SLC4A10: variants seen among roughly 807,000 people sequenced by gnomAD.
The protein encoded by SLC4A10 is sodium-driven chloride bicarbonate exchanger.
In SLC4A10, 42 loss-of-function variants were observed where a neutral mutation model predicts 137.7. The ratio of observed to expected loss-of-function variants is 0.30; its 90% CI spans 0.24 to 0.39. The LOEUF (loss-of-function observed/expected upper bound fraction) is 0.39. Among genes scored for constraint, SLC4A10 ranks in the 10% least tolerant of loss-of-function variants. SLC4A10 has a pLI of 1.00. For synonymous variants in SLC4A10, 474 were observed against 464.1 expected (o/e 1.02, Z -0.27); for missense variants, 925 against 1,355.0 (o/e 0.68, Z 4.98).
chr2:161,850,517 A>G (rs1352511253), intron 4 of SLC4A10, among the ~76,000 whole-genome samples: 1 of 152,144 alleles, frequency 6.6e-6, no homozygotes, highest in African/African-American at 2.4e-5. Context: ...TGTTCATAAT[A>G]GTCTCTTAGG....
chr2:161,708,837 C>T (rs956060809), intron 1 of SLC4A10: 4 of 1,528,090 alleles, frequency 2.6e-6, no homozygotes, highest in Non-Finnish European at 3.5e-6. Flanking sequence ...CAGGTATGAC[C>T]TCATGAATTA....
rs1329305262 is a variant in SLC4A10 at position 161,926,893 on chromosome 2, C to G, written c.1998-15899C>G. On this transcript the variant is annotated intron_variant, in intron 15 of 26. Transcript: ENST00000446997. ...AGAATGTTGAATATTGGCCCCCACT[C>G]TCTTCTGGCTTGTAGAGTTTCTGCT... Among the ~76,000 whole-genome samples the G allele has an allele frequency of 2.1e-4, 31 of 146,878 alleles. No individual in the cohort carries two copies. In the South Asian group the frequency reaches 5.4e-3, roughly 25 times the overall value.
intron 1 of SLC4A10, among the ~76,000 whole-genome samples, chr2:161,743,301 C>G (rs1031931737): frequency 1.3e-5 from 2 of 152,076 alleles, no homozygotes; most frequent in African/African-American, 4.8e-5. Context: ...TTGTATATGA[C>G]AAGAGATAGG....
At position 161,638,440 on chromosome 2, in the gene SLC4A10, C is replaced by T. The variant is rs181127102; in HGVS notation, c.48+13874C>T. ...GTCAAAAATCATTTGGCTGTAAATACGTGGATTTGTTTCTGGGTTTTCTAT... is the reference window on the plus strand; with the variant it reads ...GTCAAAAATCATTTGGCTGTAAATATGTGGATTTGTTTCTGGGTTTTCTAT... On this transcript the variant is annotated intron_variant, in intron 1 of 26. Transcript: ENST00000446997. Among the ~76,000 whole-genome samples the T allele has an allele frequency of 3.0e-3, 450 of 152,076 alleles. 3 individuals are homozygous for T. The highest frequency in any genetic ancestry group is 0.024 in the Middle Eastern group (7 of 294).
chr2:161,879,175 A>G lies in SLC4A10; in HGVS notation c.993A>G (p.Ala331=). 2.5e-6 allele frequency: 4 copies of G among 1,613,584 alleles called. No homozygotes were observed. The highest frequency in any genetic ancestry group is 1.1e-5 in the South Asian group (1 of 91,066). ...AAAAGATTCCTCCAGGTGCTGAAGCATCGAACATCTTAGTGGGAGAACTGG... is the reference window on the plus strand; with the variant it reads ...AAAAGATTCCTCCAGGTGCTGAAGCGTCGAACATCTTAGTGGGAGAACTGG... The part of the protein sequence containing the change: ...FMKKIPPGAE[A]SNILVGELEF... The change falls in exon 9 of 27, where the codon GCA becomes GCG. Residue 331 remains alanine, a synonymous_variant. Transcript: ENST00000446997.
At chr2:161,880,736 G>T (rs1351993089) in intron 9 of SLC4A10, among the ~76,000 whole-genome samples, 1 of 152,060 alleles carries the variant, frequency 6.6e-6, no homozygotes, top group African/African-American at 2.4e-5. Context: ...ACTTGCTAAT[G>T]GTAGAGTTAC....
intron 3 of SLC4A10, among the ~76,000 whole-genome samples, chr2:161,815,930 C>A (rs1443952197): frequency 1.3e-5 from 2 of 152,036 alleles, no homozygotes; most frequent in Non-Finnish European, 2.9e-5. Flanking sequence ...ACATTTAGAC[C>A]TAAATGTGGT....
intron 15 of SLC4A10, 132 bp downstream of exon 15, chr2:161,906,019 C>CA (rs1684265583): frequency 8.7e-7 from 1 of 1,148,520 alleles, no homozygotes; most frequent in Admixed American, 3.4e-5. Flanking sequence ...TCCTGACTCT[C>CA]AGAGTCGAAC....
At chr2:161,746,041 C>T (rs577010964) in intron 1 of SLC4A10, among the ~76,000 whole-genome samples, 10 of 152,190 alleles carry the variant, frequency 6.6e-5, no homozygotes, top group African/African-American at 1.9e-4. Flanking sequence ...CTGAAGCCAG[C>T]GCAGTACTGG....
chr2:161,902,826 C>A (rs1303045250), intron 12 of SLC4A10, among the ~76,000 whole-genome samples: 1 of 152,010 alleles, frequency 6.6e-6, no homozygotes, highest in African/African-American at 2.4e-5. Flanking sequence ...AAAGGACAGT[C>A]CTTTCTGAGA....
chr2:161,703,719 A>G (rs991877771), intron 1 of SLC4A10, among the ~76,000 whole-genome samples: 1 of 151,714 alleles, frequency 6.6e-6, no homozygotes, highest in African/African-American at 2.4e-5. Flanking sequence ...TGGAGTAAAA[A>G]GAAGAAATGA....
intron 1 of SLC4A10, among the ~76,000 whole-genome samples, chr2:161,766,371 G>T (rs956422544): frequency 6.6e-6 from 1 of 152,064 alleles, no homozygotes; most frequent in Admixed American, 6.6e-5. Context: ...AAAATTATTT[G>T]TATAAATTAA....
At chr2:161,970,123 T>C (rs1698273574) in intron 23 of SLC4A10, among the ~76,000 whole-genome samples, 1 of 152,204 alleles carries the variant, frequency 6.6e-6, no homozygotes, top group African/African-American at 2.4e-5. Flanking sequence ...AGATAAGTCC[T>C]TTCCTAAAAC....
At chr2:161,950,905 G>C in intron 19 of SLC4A10, 57 bp downstream of exon 19, 2 of 1,364,474 alleles carry the variant, frequency 1.5e-6, no homozygotes, top group Non-Finnish European at 2.0e-6. Context: ...ATCAACTGAT[G>C]TTCATTTGAC....
At chr2:161,925,760 C>G (rs989249565) in intron 15 of SLC4A10, among the ~76,000 whole-genome samples, 9 of 151,940 alleles carry the variant, frequency 5.9e-5, no homozygotes, top group African/African-American at 1.9e-4. Context: ...TGTCTTTGTT[C>G]TCGTTGGTTT....
intron 19 of SLC4A10, among the ~76,000 whole-genome samples, chr2:161,953,640 T>G (rs771803588): frequency 3.9e-5 from 6 of 152,074 alleles, no homozygotes; most frequent in Non-Finnish European, 7.4e-5. Context: ...ATTTCATGAG[T>G]GTCACTATTT....
intron 2 of SLC4A10, among the ~76,000 whole-genome samples, chr2:161,797,656 CA>C (rs1049192453): frequency 2.0e-5 from 3 of 151,768 alleles, no homozygotes; most frequent in Non-Finnish European, 4.4e-5. Context: ...TAAGAAAACA[CA>C]TATTTTTAGG....
intron 2 of SLC4A10, among the ~76,000 whole-genome samples, chr2:161,798,316 A>G (rs1344720664): frequency 6.6e-6 from 1 of 151,988 alleles, no homozygotes; most frequent in African/African-American, 2.4e-5. Flanking sequence ...GCTGTGTTAT[A>G]TTCATTTCAT....
chr2:161,886,920 T>A (rs570040742), intron 10 of SLC4A10, among the ~76,000 whole-genome samples: 1 of 152,282 alleles, frequency 6.6e-6, no homozygotes, highest in East Asian at 1.9e-4. Flanking sequence ...TAGGTATTTC[T>A]CCTAATGCTA....
Sources: allele counts gnomAD v4.1 joint callset (sites outside exome capture counted in the v4.1 genomes callset), GRCh38; gene constraint gnomAD v4.1.1; transcripts MANE v1.5; gene names NCBI Gene and HGNC (gene_info 2026-07-23, HGNC 2026-07-21).